ARHGEF19: variants seen among roughly 807,000 people sequenced by gnomAD.
ARHGEF19 encodes the protein Rho guanine nucleotide exchange factor 19.
ARHGEF19 carries 92 observed loss-of-function variants against 87.6 expected under a neutral mutation model. That is an observed-to-expected ratio of 1.05 (90% confidence interval 0.89 to 1.25). The LOEUF is 1.25. Among genes scored for constraint, ARHGEF19 ranks in the 50% most tolerant of loss-of-function variants. The pLI, the probability that ARHGEF19 is intolerant of heterozygous loss-of-function variation, is 0.00. For synonymous variants in ARHGEF19, 438 were observed against 446.2 expected (o/e 0.98, Z 0.23); for missense variants, 1,054 against 1,051.8 (o/e 1.00, Z -0.03).
intron 12 of ARHGEF19, among the ~76,000 whole-genome samples, chr1:16,204,097 CT>C (rs61473973): frequency 0.025 from 3,869 of 152,274 alleles, 173 homozygotes; most frequent in African/African-American, 0.087. Flanking sequence ...AACTCCTAGA[CT>C]CAAGTGATCC....
intron 1 of ARHGEF19, among the ~76,000 whole-genome samples, chr1:16,210,933 GTC>G (rs1454181831): frequency 2.0e-5 from 3 of 152,158 alleles, no homozygotes; most frequent in Non-Finnish European, 2.9e-5. Context: ...GCAGGCCCCA[GTC>G]TCTCTGCACA....
At position 16,205,257 on chromosome 1, in the gene ARHGEF19, C is replaced by A; in HGVS notation, c.1657-81G>T. ...CAGCCTCAGACTCTTGCCTGGGGAC[C>A]GGAGACTCTGACAGCTGGGGGCTGT... On this transcript the variant is annotated intron_variant, in intron 10 of 15. Transcript: ENST00000270747. The surrounding 1 kb of genome is among the most constrained non-coding windows in gnomAD (Gnocchi z 5.8). 6.2e-7 allele frequency: 1 copy of A among 1,601,280 alleles called. No homozygotes were observed. The highest frequency in any genetic ancestry group is 8.5e-7 in the Non-Finnish European group (1 of 1,171,824).
chr1:16,207,725 C>T lies in ARHGEF19; in HGVS notation c.747G>A (p.Val249=), dbSNP rs780173726. The change falls in exon 4 of 16, where the codon GTG becomes GTA. Residue 249 remains valine (V), a synonymous_variant. Coordinates refer to ENST00000270747, the MANE Select transcript of ARHGEF19 (RefSeq NM_153213.5). This position sits in a 1 kb window ranked among gnomAD's most constrained non-coding sequence, Gnocchi z 4.0. ...ARSVEMSGDR[V]SRPAPGDSRE... ...GTGAGTCACCAGGGGCTGGCCGCGA[C>T]ACCCGGTCCCCGCTCATCTCTACAC... 1.8e-5 allele frequency: 29 copies of T among 1,613,858 alleles called. No individual in the cohort carries two copies. In the East Asian group the frequency reaches 6.2e-4, roughly 35 times the overall value.
In ARHGEF19 at chr1:16,207,930, G is replaced by C. The variant is rs1194513390; in HGVS notation, c.694+14C>G. ...CATCTGGCTGCCCTCAGGGCCCATGGGAGGAGCTGGTACCTTCCCGGGCTG... is the reference window on the plus strand; with the variant it reads ...CATCTGGCTGCCCTCAGGGCCCATGCGAGGAGCTGGTACCTTCCCGGGCTG... On this transcript the variant is annotated intron_variant, in intron 3 of 15. Transcript: ENST00000270747. The surrounding 1 kb of genome is among the most constrained non-coding windows in gnomAD (Gnocchi z 4.0). The C allele has an allele frequency of 6.2e-7, 1 of 1,600,054 alleles. No homozygotes were observed. The highest frequency in any genetic ancestry group is 8.5e-7 in the Non-Finnish European group (1 of 1,172,644).
chr1:16,201,470 G>A (rs981560432), intron 14 of ARHGEF19, among the ~76,000 whole-genome samples: 3 of 152,212 alleles, frequency 2.0e-5, no homozygotes, highest in Non-Finnish European at 4.4e-5. Context: ...TCTCGGCTCT[G>A]CTACTTACTG....
intron 12 of ARHGEF19, 23 bp from the exon 13 acceptor site, chr1:16,202,597 G>A: frequency 1.2e-6 from 2 of 1,605,972 alleles, no homozygotes; most frequent in Non-Finnish European, 1.7e-6. Context: ...GGGAGGGGAG[G>A]TCAGCCTGGC....
chr1:16,202,658 G>T, intron 12 of ARHGEF19, 84 bp from the exon 13 acceptor site: 1 of 1,528,910 alleles, frequency 6.5e-7, no homozygotes, highest in Non-Finnish European at 8.9e-7. Context: ...GGTTCTGACT[G>T]GAAGTGGGGA....
intron 13 of ARHGEF19, 57 bp downstream of exon 13, chr1:16,202,359 G>A (rs1057289854): frequency 1.6e-5 from 25 of 1,529,098 alleles, no homozygotes; most frequent in African/African-American, 1.1e-4. Context: ...TCATGGGGAC[G>A]GGGTGCCTGT....
chr1:16,208,251 G>A, intron 2 of ARHGEF19, 26 bp from the exon 3 acceptor site: 2 of 1,603,338 alleles, frequency 1.2e-6, no homozygotes, highest in Non-Finnish European at 1.7e-6. Flanking sequence ...AGGAGTGAGA[G>A]CACGGGCTGG....
Position 16,206,471 on chromosome 1 carries a change from G to C in ARHGEF19, c.1138-131C>G. 9.6e-7 allele frequency: 1 copy of C among 1,045,610 alleles called. No homozygotes were observed. Among genetic ancestry groups the C allele is most frequent in the Middle Eastern group, 2.1e-4 (1 of 4,826 alleles). The allele number at this position is 1,045,610 out of a possible 1,614,324, so 64.8% of individuals were successfully genotyped here. On this transcript the variant is annotated intron_variant, in intron 6 of 15. Coordinates refer to ENST00000270747, the MANE Select transcript of ARHGEF19 (RefSeq NM_153213.5). The surrounding 1 kb of genome is among the most constrained non-coding windows in gnomAD (Gnocchi z 4.6). The stretch of plus-strand genomic sequence containing the variant: ...CTTCTCTAGCCCCACTCCTAATCTG[G>C]CGCCGGGCGGGCCCGGCGACCCACG...
In ARHGEF19 at chr1:16,206,017, C is replaced by T. The variant is rs1207312879; in HGVS notation, c.1365G>A (p.Val455=). The change falls in exon 8 of 16, where the codon GTG becomes GTA. Residue 455 remains valine (V), a synonymous_variant. Coordinates refer to ENST00000270747, the MANE Select transcript of ARHGEF19 (RefSeq NM_153213.5). This position sits in a 1 kb window ranked among gnomAD's most constrained non-coding sequence, Gnocchi z 4.6. ...DVLRFSVCDV[V]LDHCPAFRRV... ...TGCGGAAGGCCGGGCAGTGGTCCAG[C>T]ACCACGTCGCACACGCTGAAGCGCA... is the stretch of plus-strand genomic sequence containing the variant. 6.2e-7 allele frequency: 1 copy of T among 1,601,634 alleles called. No individual in the cohort carries two copies. The highest frequency in any genetic ancestry group is 1.3e-5 in the African/African-American group (1 of 74,952).
chr1:16,205,652 C>A lies in ARHGEF19; in HGVS notation c.1467G>T (p.Arg489Ser), dbSNP rs763517010. 38 of 1,610,068 alleles carry A rather than the reference C, an allele frequency of 2.4e-5. No homozygotes were observed. The Middle Eastern group carries it at 4.9e-4, about 21-fold the overall frequency. ...TYQRLLLENP[R>S]FPGILARLEE... ...CCAGGCGAGCCAGGATGCCAGGGAA[C>A]CTGGGGTTCTCCAGGCTGGAAAATG... The change falls in exon 9 of 16, where the codon AGG becomes AGT. Residue 489 changes from arginine to serine, a missense_variant. Physicochemically the swap from Arg to Ser is moderately radical, Grantham distance 110. Transcript: ENST00000270747. This position sits in a 1 kb window ranked among gnomAD's most constrained non-coding sequence, Gnocchi z 5.8.
chr1:16,205,327 C>A lies in ARHGEF19; in HGVS notation c.1656+24G>T, dbSNP rs1179768602. 6.2e-7 allele frequency: 1 copy of A among 1,613,708 alleles called. No individual in the cohort carries two copies. Among genetic ancestry groups the A allele is most frequent in the African/African-American group, 1.3e-5 (1 of 75,050 alleles). On this transcript the variant is annotated intron_variant, in intron 10 of 15. Coordinates refer to ENST00000270747, the MANE Select transcript of ARHGEF19 (RefSeq NM_153213.5). This position sits in a 1 kb window ranked among gnomAD's most constrained non-coding sequence, Gnocchi z 5.8. ...TCCAGGGGGGGCCTCAGGAGCCAAG[C>A]AGCCCCTGCCCTGCCCAGCTCACCT... is the stretch of plus-strand genomic sequence containing the variant.
intron 1 of ARHGEF19, among the ~76,000 whole-genome samples, chr1:16,211,697 A>G (rs2081198154): frequency 6.6e-6 from 1 of 152,196 alleles, no homozygotes; most frequent in African/African-American, 2.4e-5. Flanking sequence ...GTGGCCCTCC[A>G]GGGGTTTGGC....
Position 16,205,020 on chromosome 1 carries a change from C to T in ARHGEF19, c.1746+67G>A. 6.4e-7 allele frequency: 1 copy of T among 1,562,602 alleles called. No homozygotes were observed. The highest frequency in any genetic ancestry group is 2.4e-5 in the East Asian group (1 of 41,992). On this transcript the variant is annotated intron_variant, in intron 11 of 15. Coordinates refer to ENST00000270747, the MANE Select transcript of ARHGEF19 (RefSeq NM_153213.5). This position sits in a 1 kb window ranked among gnomAD's most constrained non-coding sequence, Gnocchi z 5.8. ...GGGCAGCGATTAACTGGCCTGAAGC[C>T]CCCAGGGCAAGGAAGAAACAAGAGC...
At position 16,206,691 on chromosome 1, in the gene ARHGEF19, C is replaced by G; in HGVS notation, c.1137+257G>C. The G allele has an allele frequency of 1.8e-6, 1 of 560,248 alleles. No homozygotes were observed. Among genetic ancestry groups the G allele is most frequent in the South Asian group, 2.3e-5 (1 of 43,210 alleles). 34.7% of individuals were successfully genotyped at this position (560,248 alleles called of 1,614,324 possible). A position where few individuals can be genotyped will look rare whatever the true frequency, so the allele number is the denominator to read the frequency against. ...GCTCCTCATCCGGCCCTGTCCTATC[C>G]TAGGTTTCGTCCCGCTGGCTCCGCC... On this transcript the variant is annotated intron_variant, in intron 6 of 15. Coordinates refer to ENST00000270747, the MANE Select transcript of ARHGEF19 (RefSeq NM_153213.5). This position sits in a 1 kb window ranked among gnomAD's most constrained non-coding sequence, Gnocchi z 4.6.
At chr1:16,204,148 G>A (rs1206174056) in intron 12 of ARHGEF19, among the ~76,000 whole-genome samples, 1 of 152,142 alleles carries the variant, frequency 6.6e-6, no homozygotes, top group Admixed American at 6.5e-5. Flanking sequence ...TTACAGGTGT[G>A]AGCCACCGTG....
rs137910078 is a variant in ARHGEF19 at position 16,207,984 on chromosome 1, C to T, written c.654G>A (p.Arg218=). The change falls in exon 3 of 16, where the codon CGG becomes CGA. Residue 218 remains arginine (R), a synonymous_variant. Transcript: ENST00000270747. This position sits in a 1 kb window ranked among gnomAD's most constrained non-coding sequence, Gnocchi z 4.0. ...SLRLGRNSAA[R]ALISGSGTGA... ...CGGTGCCTGACCCAGAGATGAGTGCCCGGGCTGCTGAATTCCGCCCCAGGC... is the reference window on the plus strand; with the variant it reads ...CGGTGCCTGACCCAGAGATGAGTGCTCGGGCTGCTGAATTCCGCCCCAGGC... 1.2e-6 allele frequency: 2 copies of T among 1,612,236 alleles called. No individual in the cohort carries two copies. The highest frequency in any genetic ancestry group is 1.7e-6 in the Non-Finnish European group (2 of 1,179,868).
intron 1 of ARHGEF19, among the ~76,000 whole-genome samples, chr1:16,209,427 G>A (rs1218191889): frequency 1.3e-5 from 2 of 152,298 alleles, no homozygotes; most frequent in South Asian, 2.1e-4. Flanking sequence ...CTTTGAAATC[G>A]ATGATTTTAA....
Sources: gnomAD v4.1 joint callset for allele counts (sites outside exome capture counted in the v4.1 genomes callset) on GRCh38, gnomAD v4.1.1 for gene constraint, Gnocchi (gnomAD v3.1) non-coding constraint, MANE v1.5 for transcripts, NCBI Gene and HGNC (gene_info 2026-07-23, HGNC 2026-07-21) for gene names.